Variants in BPTF observed in about 807,000 individuals in gnomAD.
BPTF encodes the protein bromodomain PHD finger transcription factor, also known as nucleosome-remodeling factor subunit BPTF.
Under a neutral mutation model 292.5 loss-of-function variants are expected in BPTF, and 18 were observed. The ratio of observed to expected loss-of-function variants is 0.06; its 90% CI spans 0.04 to 0.09. The LOEUF (loss-of-function observed/expected upper bound fraction) is 0.09. Among genes scored for constraint, BPTF ranks in the 10% least tolerant of loss-of-function variants. The pLI, the probability that BPTF is intolerant of heterozygous loss-of-function variation, is 1.00. For missense variants in BPTF, 2,726 were observed against 3,498.7 expected (o/e 0.78, Z 5.57); for synonymous variants, 1,225 against 1,251.9 (o/e 0.98, Z 0.45).
intron 7 of BPTF, among the ~76,000 whole-genome samples, chr17:67,900,256 C>G (rs2061737922): frequency 6.6e-6 from 1 of 152,010 alleles, no homozygotes; most frequent in African/African-American, 2.4e-5. Context: ...AGACAAGTAC[C>G]ACAATGCCCG....
At chr17:67,977,473 C>T (rs1429915565) in intron 27 of BPTF, among the ~76,000 whole-genome samples, 1 of 151,818 alleles carries the variant, frequency 6.6e-6, no homozygotes, top group African/African-American at 2.4e-5. Flanking sequence ...TGAGATTGCG[C>T]CACTGCATTC....
intron 24 of BPTF, among the ~76,000 whole-genome samples, chr17:67,961,923 G>A (rs1340244800): frequency 2.0e-5 from 3 of 151,574 alleles, no homozygotes; most frequent in African/African-American, 4.9e-5. Flanking sequence ...GCAGTGAGCC[G>A]AGATCATGCC....
intron 26 of BPTF, among the ~76,000 whole-genome samples, chr17:67,968,970 A>G (rs1201117916): frequency 1.3e-5 from 2 of 150,924 alleles, no homozygotes; most frequent in Non-Finnish European, 2.9e-5. Context: ...AACAAAAGCG[A>G]AACTCCATCT....
At chr17:67,937,328 G>C (rs1342556919) in intron 18 of BPTF, among the ~76,000 whole-genome samples, 1 of 151,374 alleles carries the variant, frequency 6.6e-6, no homozygotes, top group Non-Finnish European at 1.5e-5. Context: ...ATCATGGTTG[G>C]TGCCTGTAAT....
At chr17:67,963,330 T>C in intron 24 of BPTF, 1 of 1,527,864 alleles carries the variant, frequency 6.5e-7, no homozygotes, top group Non-Finnish European at 8.7e-7. Context: ...TGAATACTTT[T>C]AGGTTCTATA....
chr17:67,869,061 C>T (rs1452777463), intron 3 of BPTF, among the ~76,000 whole-genome samples: 3 of 152,104 alleles, frequency 2.0e-5, no homozygotes, highest in Non-Finnish European at 4.4e-5. Context: ...CTTACTCTCC[C>T]CCCATATAGA....
At chr17:67,837,157 T>C (rs2057194147) in intron 1 of BPTF, among the ~76,000 whole-genome samples, 1 of 152,154 alleles carries the variant, frequency 6.6e-6, no homozygotes, top group South Asian at 2.1e-4. Context: ...CATAACTGCA[T>C]TTGCTGATAA....
intron 26 of BPTF, among the ~76,000 whole-genome samples, chr17:67,967,512 G>A (rs1055564345): frequency 4.6e-5 from 7 of 151,994 alleles, no homozygotes; most frequent in Admixed American, 6.6e-5. Context: ...TGTTCATTGT[G>A]GCAGTGTTTA....
rs1240258616 is a variant in BPTF, at chr17:67,866,558, T to G, written c.1531T>G (p.Tyr511Asp). The stretch of plus-strand genomic sequence containing the variant: ...ATTAATTGACTGTCTAGACAAAGAT[T>G]ATTGGGAAGCAGAACTCTGCAAAAT... ...AELIDCLDKDYWEAELCKILE... is the reference protein window; with the variant it reads ...AELIDCLDKDDWEAELCKILE... Residue 511 changes from tyrosine to aspartate, a missense_variant, in exon 3 of 28, where the codon TAT (tyrosine) becomes GAT (aspartate). By Grantham distance (160) the Tyr-to-Asp change is radical. Coordinates refer to ENST00000306378, the MANE Select transcript of BPTF (RefSeq NM_182641.4). 15 of 1,613,938 alleles carry G rather than the reference T, an allele frequency of 9.3e-6. No homozygotes were observed. Among genetic ancestry groups the G allele is most frequent in the Non-Finnish European group, 1.3e-5 (15 of 1,179,944 alleles).
At chr17:67,902,783 G>A (rs770025566) in intron 7 of BPTF, among the ~76,000 whole-genome samples, 3 of 152,038 alleles carry the variant, frequency 2.0e-5, no homozygotes, top group Non-Finnish European at 4.4e-5. Flanking sequence ...ACATCTTTTC[G>A]GCATCACTAC....
intron 7 of BPTF, among the ~76,000 whole-genome samples, chr17:67,896,853 C>T (rs1338424713): frequency 6.6e-6 from 1 of 152,102 alleles, no homozygotes; most frequent in Non-Finnish European, 1.5e-5. Flanking sequence ...AAAAGAAAAA[C>T]TGCAAATTAA....
intron 17 of BPTF, 30 bp from the exon 18 acceptor site, chr17:67,931,881 T>G: frequency 1.3e-6 from 2 of 1,536,412 alleles, no homozygotes; most frequent in Non-Finnish European, 9.0e-7. Context: ...TTAAAGCATT[T>G]TAATTCATTG....
At chr17:67,955,565 G>T (rs2066849433) in intron 23 of BPTF, 1 of 152,050 alleles carries the variant, frequency 6.6e-6, no homozygotes, top group Admixed American at 6.6e-5. Flanking sequence ...GGTGGCTCAT[G>T]CCTGTAATCG....
chr17:67,947,973 C>G (rs2147990919), intron 22 of BPTF, 108 bp from the exon 23 acceptor site: 1 of 1,297,122 alleles, frequency 7.7e-7, no homozygotes, highest in Non-Finnish European at 1.1e-6. Flanking sequence ...TTGACGTTTT[C>G]CAGTCACAGA....
chr17:67,916,625 A>T (rs997499025), intron 11 of BPTF, among the ~76,000 whole-genome samples: 3 of 149,246 alleles, frequency 2.0e-5, no homozygotes, highest in Non-Finnish European at 4.5e-5. Context: ...AATTAGCTGG[A>T]TGTTTGGGCG....
chr17:67,959,363 G>C (rs1415835753), intron 23 of BPTF, among the ~76,000 whole-genome samples, 178 bp from the exon 24 acceptor site: 1 of 152,160 alleles, frequency 6.6e-6, no homozygotes, highest in Admixed American at 6.6e-5. Flanking sequence ...TTTGTTTCTA[G>C]TTGTCTTAGT....
At chr17:67,932,420 C>T (rs1314091336) in intron 18 of BPTF, among the ~76,000 whole-genome samples, 1 of 152,196 alleles carries the variant, frequency 6.6e-6, no homozygotes, top group Non-Finnish European at 1.5e-5. Context: ...TGAAGACTGG[C>T]CAGGCTAGGT....
At chr17:67,924,621 A>T in intron 15 of BPTF, 32 bp downstream of exon 15, 1 of 1,603,274 alleles carries the variant, frequency 6.2e-7, no homozygotes, top group Non-Finnish European at 8.5e-7. Context: ...GAGGACATCA[A>T]GGCCCAAATG....
chr17:67,953,396 C>T (rs1369321751), intron 23 of BPTF, among the ~76,000 whole-genome samples: 1 of 151,526 alleles, frequency 6.6e-6, no homozygotes, highest in Non-Finnish European at 1.5e-5. Flanking sequence ...GCTGGGATTA[C>T]AGGCGCCCAC....
Sources: allele counts gnomAD v4.1 joint callset (sites outside exome capture counted in the v4.1 genomes callset), GRCh38; gene constraint gnomAD v4.1.1; transcripts MANE v1.5; gene names NCBI Gene and HGNC (gene_info 2026-07-23, HGNC 2026-07-21).